UNC5B: variants seen among roughly 807,000 people sequenced by gnomAD.
UNC5B encodes unc-5 netrin receptor B.
In UNC5B, 56 loss-of-function variants were observed where a neutral mutation model predicts 103.7. That is an observed-to-expected ratio of 0.54 (90% CI 0.44 to 0.67). The LOEUF is 0.67. Among genes scored for constraint, UNC5B ranks in the 30% least tolerant of loss-of-function variants. The pLI is 0.00. For missense variants in UNC5B, 1,194 were observed against 1,284.5 expected, an observed-to-expected ratio of 0.93 and a Z score of 1.08; for synonymous variants, 577 against 542.0, an observed-to-expected ratio of 1.06 and a Z score of -0.90.
chr10:71,225,010 G>T (rs1843532225), intron 1 of UNC5B, among the ~76,000 whole-genome samples: 1 of 152,184 alleles, frequency 6.6e-6, no homozygotes, highest in Admixed American at 6.5e-5. Flanking sequence ...AGGGTTATCA[G>T]CGAGGGGAGA....
intron 16 of UNC5B, among the ~76,000 whole-genome samples, 160 bp downstream of exon 16, chr10:71,298,250 A>C (rs1845495528): frequency 6.6e-6 from 1 of 152,218 alleles, no homozygotes. Context: ...TGGATATGCA[A>C]AGTTCAAGAA....
At chr10:71,229,903 G>A (rs935401116) in intron 1 of UNC5B, among the ~76,000 whole-genome samples, 7 of 152,274 alleles carry the variant, frequency 4.6e-5, no homozygotes, top group Non-Finnish European at 8.8e-5. Context: ...GGTGATGCCT[G>A]TTGCTCCCAG....
chr10:71,243,289 G>A (rs991864501), intron 1 of UNC5B, among the ~76,000 whole-genome samples: 3 of 152,020 alleles, frequency 2.0e-5, no homozygotes, highest in Admixed American at 6.5e-5. Context: ...CAAGCAGAAA[G>A]AGCCTGGGCT....
intron 1 of UNC5B, among the ~76,000 whole-genome samples, chr10:71,241,323 C>T (rs1380998470): frequency 6.6e-6 from 1 of 152,202 alleles, no homozygotes; most frequent in Non-Finnish European, 1.5e-5. Flanking sequence ...GAGTCTGTAA[C>T]TGAGTAGCTT....
At chr10:71,272,765 G>C (rs1429832530) in intron 1 of UNC5B, among the ~76,000 whole-genome samples, 1 of 152,196 alleles carries the variant, frequency 6.6e-6, no homozygotes, top group African/African-American at 2.4e-5. Context: ...GGTCTACGTG[G>C]GCTCAGATGG....
chr10:71,288,982 A>G lies in UNC5B; in HGVS notation c.1091A>G (p.Asn364Ser), dbSNP rs552655855. 39 of 1,614,074 alleles carry G rather than the reference A, an allele frequency of 2.4e-5. No homozygotes were observed. Among genetic ancestry groups the G allele is most frequent in the Middle Eastern group, 1.6e-4 (1 of 6,062 alleles). ...GATAAGAAAACTCTAAGCGACCCCA[A>G]CAGCCACCGTAAGTCCCATTTCATG... ...MQNKKTLSDP[N>S]SHLLEASGDA... Residue 364 changes from asparagine (N) to serine (S), a missense_variant, in exon 8 of 17, where the codon AAC becomes AGC. Transcript: ENST00000335350.
rs763294738 is a variant in UNC5B, at chr10:71,291,035, A to C, written c.1220A>C (p.Asp407Ala). The change falls in exon 9 of 17, where the codon GAC (aspartate) becomes GCC (alanine). Residue 407 changes from aspartate (D) to alanine (A), a missense_variant. Asp to Ala is a moderately radical substitution (Grantham distance 126, BLOSUM62 -2). Transcript: ENST00000335350. ...TACCGCCGCAACTGCCGTGACTTCG[A>C]CACAGACATCACTGACTCATCTGCT... ...VVYRRNCRDF[D>A]TDITDSSAAL... 8 of 1,614,046 alleles carry C rather than the reference A, an allele frequency of 5.0e-6. No homozygotes were observed. In the East Asian group the frequency reaches 1.6e-4, roughly 31 times the overall value.
At chr10:71,287,961 A>G (rs1450346802) in intron 6 of UNC5B, among the ~76,000 whole-genome samples, 196 bp downstream of exon 6, 1 of 152,084 alleles carries the variant, frequency 6.6e-6, no homozygotes. Context: ...TGCTGGTGAG[A>G]TGGAGGCAGA....
At chr10:71,215,773 A>G (rs982774193) in intron 1 of UNC5B, among the ~76,000 whole-genome samples, 5 of 151,370 alleles carry the variant, frequency 3.3e-5, no homozygotes, top group Non-Finnish European at 2.9e-5. Context: ...TTAAGGTGCA[A>G]TTAAAATCAG....
chr10:71,286,852 C>T lies in UNC5B; in HGVS notation c.716C>T (p.Ala239Val), dbSNP rs750725596. Residue 239 changes from alanine to valine, a missense_variant, in exon 5 of 17, where the codon GCC (alanine) becomes GTC (valine). By Grantham distance (64) the Ala-to-Val change is moderately conservative. Coordinates refer to ENST00000335350, the MANE Select transcript of UNC5B (RefSeq NM_170744.5). ...GTGGCCAAACGCCGGAGCACCACTG[C>T]CACCGTCATCGTCTACGGTGCGGGC... is the stretch of plus-strand genomic sequence containing the variant. ...NIVAKRRSTTATVIVYVNGGW... is the reference protein window; with the variant it reads ...NIVAKRRSTTVTVIVYVNGGW... 4.3e-6 allele frequency: 7 copies of T among 1,613,972 alleles called. No individual in the cohort carries two copies. The highest frequency in any genetic ancestry group is 5.1e-6 in the Non-Finnish European group (6 of 1,179,974).
chr10:71,226,327 G>A (rs112997329), intron 1 of UNC5B, among the ~76,000 whole-genome samples: 2,220 of 152,182 alleles, frequency 0.015, 52 homozygotes, highest in African/African-American at 0.05. Context: ...CGCTTGCCTC[G>A]GCCTCCCAAA....
At chr10:71,258,603 G>A (rs755098311) in intron 1 of UNC5B, among the ~76,000 whole-genome samples, 33 of 152,286 alleles carry the variant, frequency 2.2e-4, no homozygotes, top group Non-Finnish European at 3.7e-4. Context: ...CTTGGGCAGC[G>A]TCCTTTCAGA....
At chr10:71,250,894 C>T (rs549588318) in intron 1 of UNC5B, among the ~76,000 whole-genome samples, 1 of 152,342 alleles carries the variant, frequency 6.6e-6, no homozygotes, top group African/African-American at 2.4e-5. Context: ...GGAATACTTA[C>T]AGCATGCTAG....
intron 2 of UNC5B, among the ~76,000 whole-genome samples, chr10:71,282,843 G>A (rs1321465028): frequency 6.6e-6 from 1 of 151,894 alleles, no homozygotes; most frequent in Non-Finnish European, 1.5e-5. Flanking sequence ...GGGGCCGGGC[G>A]CAGTGGCTCA....
At chr10:71,242,623 A>G (rs1843930771) in intron 1 of UNC5B, among the ~76,000 whole-genome samples, 1 of 152,098 alleles carries the variant, frequency 6.6e-6, no homozygotes, top group East Asian at 1.9e-4. Context: ...TTGTATAGCC[A>G]TTGTCCGTGT....
chr10:71,288,688 C>T lies in UNC5B; in HGVS notation c.1022C>T (p.Thr341Met), dbSNP rs34304718. 284 of 1,613,006 alleles carry T rather than the reference C, an allele frequency of 1.8e-4. No homozygotes were observed. The highest frequency in any genetic ancestry group is 2.1e-4 in the Non-Finnish European group (245 of 1,179,642). ...AACGGAGGCCGTGACTGCAGCGGGA[C>T]GCTGCTCGACTCTAAGAACTGCACA... is the stretch of plus-strand genomic sequence containing the variant. Reference protein sequence around the residue: ...PQNGGRDCSGTLLDSKNCTDG... With the variant: ...PQNGGRDCSGMLLDSKNCTDG... Residue 341 changes from threonine to methionine, a missense_variant, in exon 7 of 17, where the codon ACG (threonine) becomes ATG (methionine). Physicochemically the swap from Thr to Met is moderately conservative, Grantham distance 81 (BLOSUM62 -1). Coordinates refer to ENST00000335350, the MANE Select transcript of UNC5B (RefSeq NM_170744.5).
Position 71,293,569 on chromosome 10 carries a change from G to T in UNC5B, c.1937G>T (p.Trp646Leu). ...QLKTQAHQGH[W>L]EEVVTLDEET... ...AAGACCCAGGCCCACCAGGGCCACT[G>T]GGAGGTGAGGAGCCACGGTGAAGGC... The change falls in exon 12 of 17, where the codon TGG becomes TTG. Residue 646 changes from tryptophan (W) to leucine (L), a missense_variant. Transcript: ENST00000335350. 1 of 1,613,796 alleles carries T rather than the reference G, an allele frequency of 6.2e-7. No individual in the cohort carries two copies. The highest frequency in any genetic ancestry group is 2.2e-5 in the East Asian group (1 of 44,880).
At position 71,291,090 on chromosome 10, in the gene UNC5B, C is replaced by A. The variant is rs1246264700; in HGVS notation, c.1275C>A (p.Asn425Lys). The A allele has an allele frequency of 1.2e-6, 2 of 1,613,910 alleles. No individual in the cohort carries two copies. The highest frequency in any genetic ancestry group is 2.2e-5 in the South Asian group (2 of 91,068). Residue 425 changes from asparagine (N) to lysine (K), a missense_variant, in exon 9 of 17, where the codon AAC becomes AAA. Physicochemically the swap from Asn to Lys is moderately conservative, Grantham distance 94. Coordinates refer to ENST00000335350, the MANE Select transcript of UNC5B (RefSeq NM_170744.5). ...TGACTGGTGGTTTCCACCCCGTCAA[C>A]TTTAAGACGGCAAGGCCCAGTAAGA... ...AALTGGFHPV[N>K]FKTARPSNPQ...
At chr10:71,235,607 A>C (rs1843759678) in intron 1 of UNC5B, among the ~76,000 whole-genome samples, 1 of 152,208 alleles carries the variant, frequency 6.6e-6, no homozygotes, top group South Asian at 2.1e-4. Flanking sequence ...GGCCCTTCCC[A>C]GGCCAGACGG....
Sources: gnomAD v4.1 joint callset for allele counts (sites outside exome capture counted in the v4.1 genomes callset) on GRCh38, gnomAD v4.1.1 for gene constraint, MANE v1.5 for transcripts, NCBI Gene and HGNC (gene_info 2026-07-23, HGNC 2026-07-21) for gene names.